Variants in DDX4 observed in about 807,000 individuals in gnomAD.
DDX4 encodes DEAD-box helicase 4, also known as probable ATP-dependent RNA helicase DDX4.
DDX4 carries 25 observed loss-of-function variants against 100.0 expected under a neutral mutation model. The ratio of observed to expected loss-of-function variants is 0.25; its 90% CI spans 0.18 to 0.35. The LOEUF (loss-of-function observed/expected upper bound fraction) is 0.35. Ranked by LOEUF, DDX4 falls within the 10% of genes least tolerant of loss-of-function variation. The pLI is 1.00. For missense variants in DDX4, 635 were observed against 882.4 expected (o/e 0.72, Z 3.55); for synonymous variants, 259 against 275.7 (o/e 0.94, Z 0.60).
At chr5:55,795,262 G>C (rs1742861275) in intron 17 of DDX4, among the ~76,000 whole-genome samples, 1 of 152,154 alleles carries the variant, frequency 6.6e-6, no homozygotes, top group East Asian at 1.9e-4. Flanking sequence ...ACCGCACCCG[G>C]CCCAGACTTT....
intron 3 of DDX4, among the ~76,000 whole-genome samples, chr5:55,747,524 G>A (rs1280675576): frequency 6.6e-6 from 1 of 152,192 alleles, no homozygotes; most frequent in African/African-American, 2.4e-5. Context: ...CCTTGCCTGG[G>A]CAATGGAGCA....
intron 18 of DDX4, among the ~76,000 whole-genome samples, chr5:55,809,357 A>C (rs1329181100): frequency 1.3e-5 from 2 of 152,082 alleles, no homozygotes; most frequent in Non-Finnish European, 2.9e-5. Flanking sequence ...CAGTGAGATG[A>C]ACCCGGCACC....
In DDX4 at chr5:55,762,946, T is replaced by C. The variant is rs1431360218; in HGVS notation, c.206-229T>C. Among the ~76,000 whole-genome samples, 3 of 152,114 alleles carry C rather than the reference T, an allele frequency of 2.0e-5. No homozygotes were observed. The East Asian group carries it at 5.8e-4, about 29-fold the overall frequency. ...TGAAGGTCTCCAATATAATACCAAC[T>C]AGTAGAAAGCTGTGTTTCACCGGTA... On this transcript the variant is annotated intron_variant, in intron 4 of 21. Transcript: ENST00000505374.
intron 5 of DDX4, 73 bp downstream of exon 5, chr5:55,763,325 T>G (rs956950401): frequency 1.4e-5 from 13 of 931,548 alleles, no homozygotes; most frequent in Non-Finnish European, 2.1e-5. Flanking sequence ...AAATACTGAT[T>G]GACAGACATT....
At chr5:55,776,822 C>T (rs80246769) in intron 7 of DDX4, among the ~76,000 whole-genome samples, 10,980 of 150,644 alleles carry the variant, frequency 0.073, 640 homozygotes, top group African/African-American at 0.17. Flanking sequence ...CAATGAGGAG[C>T]GAAAAAAAAG....
At chr5:55,764,144 A>G in intron 6 of DDX4, 80 bp downstream of exon 6, 1 of 1,063,144 alleles carries the variant, frequency 9.4e-7, no homozygotes, top group Non-Finnish European at 1.4e-6. Flanking sequence ...TAAGTCTCTT[A>G]GTCCGGGCCA....
chr5:55,752,413 T>C lies in DDX4; in HGVS notation c.127+6192T>C, dbSNP rs985988454. On this transcript the variant is annotated intron_variant, in intron 3 of 21. Transcript: ENST00000505374. ...GTGATCTCATTGTTCAGTTCCCACC[T>C]ATGAGTGAGAATATGCGGTGTTTGG... is the stretch of plus-strand genomic sequence containing the variant. Among the ~76,000 whole-genome samples, 8 of 145,832 alleles carry C rather than the reference T, an allele frequency of 5.5e-5. No individual in the cohort carries two copies. In the Admixed American group the frequency reaches 5.7e-4, roughly 10 times the overall value.
At chr5:55,751,795 G>A (rs1759568058) in intron 3 of DDX4, among the ~76,000 whole-genome samples, 2 of 152,068 alleles carry the variant, frequency 1.3e-5, no homozygotes, top group Non-Finnish European at 2.9e-5. Flanking sequence ...ATTTAATTCT[G>A]AAGTTATTAA....
Position 55,785,778 on chromosome 5 carries a change from C to T in DDX4, c.771C>T (p.Ser257=), listed in dbSNP as rs1352681486. ...IPPPPPEDED[S]IFAHYQTGIN... ...CTCCTCCACCTGAGGATGAGGACTCCATCTTTGCACATTATCAGACAGGCA... is the reference window on the plus strand; with the variant it reads ...CTCCTCCACCTGAGGATGAGGACTCTATCTTTGCACATTATCAGACAGGCA... Residue 257 remains serine (S), a synonymous_variant, in exon 13 of 22, where the codon TCC becomes TCT. Transcript: ENST00000505374. The T allele has an allele frequency of 6.2e-7, 1 of 1,610,620 alleles. No homozygotes were observed. Among genetic ancestry groups the T allele is most frequent in the Admixed American group, 1.7e-5 (1 of 59,980 alleles).
At chr5:55,767,391 G>C (rs551182220) in intron 6 of DDX4, among the ~76,000 whole-genome samples, 1 of 152,364 alleles carries the variant, frequency 6.6e-6, no homozygotes, top group South Asian at 2.1e-4. Context: ...GCAGTGAGCA[G>C]AGGTTGTGCC....
At chr5:55,784,085 C>CAG (rs772486340) in intron 10 of DDX4, among the ~76,000 whole-genome samples, 28 of 152,124 alleles carry the variant, frequency 1.8e-4, no homozygotes, top group Non-Finnish European at 3.8e-4. Context: ...TGAGAACATA[C>CAG]AGTGTTTGGT....
At chr5:55,812,290 G>T (rs567135415) in intron 18 of DDX4, among the ~76,000 whole-genome samples, 10 of 152,226 alleles carry the variant, frequency 6.6e-5, no homozygotes, top group Admixed American at 2.6e-4. Context: ...GGCCGGGCGC[G>T]GTGGTTCACG....
chr5:55,785,604 TTAAAG>T lies in DDX4; in HGVS notation c.721+111_721+115del. The T allele has an allele frequency of 2.3e-6, 3 of 1,293,608 alleles. No homozygotes were observed. The South Asian group carries it at 4.1e-5, about 18-fold the overall frequency. 80.1% of individuals were successfully genotyped at this position (1,293,608 alleles called of 1,614,324 possible). On this transcript the variant is annotated intron_variant, in intron 12 of 21. Transcript: ENST00000505374. Reference sequence around the variant, plus strand: ...TTTAAAAATTTGAACAGTGAAAACTTTAAAGGTAAGCAGTGGGAAGTTCCATAGTA... The same window carrying T: ...TTTAAAAATTTGAACAGTGAAAACTTGTAAGCAGTGGGAAGTTCCATAGTA...
chr5:55,788,793 T>C (rs192645052), intron 15 of DDX4, among the ~76,000 whole-genome samples: 1 of 152,140 alleles, frequency 6.6e-6, no homozygotes, highest in African/African-American at 2.4e-5. Flanking sequence ...TGGCCAGATA[T>C]GATGTCTTAC....
intron 15 of DDX4, 96 bp from the exon 16 acceptor site, chr5:55,790,480 G>GT (rs879025173): frequency 1.7e-5 from 15 of 867,530 alleles, no homozygotes; most frequent in African/African-American, 8.6e-5. Context: ...TTGAATGTTT[G>GT]TTTTTTTCTT....
In DDX4 at chr5:55,770,132, CT is replaced by C. The variant is rs1318677846; in HGVS notation, c.394+2193del. 2.0e-5 allele frequency among the ~76,000 whole-genome samples: 3 copies of C among 152,272 alleles called. No homozygotes were observed. The South Asian group carries it at 6.2e-4, about 32-fold the overall frequency. ...GCTGTCACCTCAGCCTCCCAAAGTG[CT>C]GGGATTACCGGCATGAGCCACTGTG... On this transcript the variant is annotated intron_variant, in intron 7 of 21. Transcript: ENST00000505374.
chr5:55,809,326 C>T lies in DDX4; in HGVS notation c.1616-4347C>T, dbSNP rs564260741. ...TCAGTGTGCTGCACCAAGTGTCCTG[C>T]ACCCAGTTTCTGACACTCCCCAGTG... On this transcript the variant is annotated intron_variant, in intron 18 of 21. Coordinates refer to ENST00000505374, the MANE Select transcript of DDX4 (RefSeq NM_024415.3). Among the ~76,000 whole-genome samples the T allele has an allele frequency of 2.0e-5, 3 of 152,296 alleles. No individual in the cohort carries two copies. In the South Asian group the frequency reaches 6.2e-4, roughly 32 times the overall value.
chr5:55,790,456 A>AT (rs1742497851), intron 15 of DDX4, 120 bp from the exon 16 acceptor site: 4 of 730,968 alleles, frequency 5.5e-6, no homozygotes, highest in Middle Eastern at 3.4e-4. Flanking sequence ...AGAATTTAAT[A>AT]TTTTTTTAGA....
intron 9 of DDX4, among the ~76,000 whole-genome samples, chr5:55,781,713 G>A (rs572013924): frequency 8.0e-4 from 122 of 151,746 alleles, no homozygotes; most frequent in African/African-American, 2.9e-3. Flanking sequence ...GGAGATGGAG[G>A]TTGCAGAGAG....
Sources: gnomAD v4.1 joint callset for allele counts (sites outside exome capture counted in the v4.1 genomes callset) on GRCh38, gnomAD v4.1.1 for gene constraint, MANE v1.5 for transcripts, NCBI Gene and HGNC (gene_info 2026-07-23, HGNC 2026-07-21) for gene names.